Variants in TCF24 observed in about 807,000 individuals in gnomAD.
TCF24 encodes the protein transcription factor 24.
Under a neutral mutation model 9.3 loss-of-function variants are expected in TCF24, and 5 were observed. The observed-to-expected ratio is 0.54, with a 90% CI of 0.28 to 1.13. The LOEUF is 1.13. Ranked by LOEUF, TCF24 falls within the 50% of genes most tolerant of loss-of-function variation. TCF24 has a pLI of 0.09. For missense variants in TCF24, 220 were observed against 236.1 expected, an observed-to-expected ratio of 0.93 and a Z score of 0.45; for synonymous variants, 110 against 115.8, an observed-to-expected ratio of 0.95 and a Z score of 0.32.
At position 66,961,532 on chromosome 8, in the gene TCF24, G is replaced by A; in HGVS notation, c.234C>T (p.Ser78=). 6.6e-7 allele frequency: 1 copy of A among 1,510,734 alleles called. No homozygotes were observed. The allele number at this position is 1,510,734 out of a possible 1,614,324, so 93.6% of individuals were successfully genotyped here. The change falls in exon 3 of 4, where the codon TCC becomes TCT. Residue 78 remains serine, a synonymous_variant. Transcript: ENST00000563496. Reference sequence around the variant, plus strand: ...TGGACAGCTTGGTGTCGGGCGGCACGGACGGCAGCGTGCGCTGCAGCTCCA... The same window carrying A: ...TGGACAGCTTGGTGTCGGGCGGCACAGACGGCAGCGTGCGCTGCAGCTCCA... The part of the protein sequence containing the change: ...AFLELQRTLP[S]VPPDTKLSKL...
intron 3 of TCF24, among the ~76,000 whole-genome samples, chr8:66,960,599 G>A (rs1316869839): frequency 1.3e-5 from 2 of 152,094 alleles, no homozygotes; most frequent in African/African-American, 2.4e-5. Flanking sequence ...TACTGCAGTA[G>A]GTAACGAAGC....
chr8:66,950,246 C>T (rs1412344593), intron 3 of TCF24, among the ~76,000 whole-genome samples: 1 of 150,590 alleles, frequency 6.6e-6, no homozygotes, highest in Non-Finnish European at 1.5e-5. Context: ...TTAGGTCTAA[C>T]GTTTAAGTCT....
rs1813981482 is a variant in TCF24, at chr8:66,947,454, G to A, written c.*597C>T. 6.6e-6 allele frequency: 1 copy of A among 152,226 alleles called. No individual in the cohort carries two copies. Among genetic ancestry groups the A allele is most frequent in the African/African-American group, 2.4e-5 (1 of 41,442 alleles). The allele number at this position is 152,226 out of a possible 1,614,324, so 9.4% of individuals were successfully genotyped here. A position where few individuals can be genotyped will look rare whatever the true frequency, so the allele number is the denominator to read the frequency against. On this transcript the variant is annotated 3_prime_UTR_variant, in exon 4 of 4. Transcript: ENST00000563496. ...CTTCCACAAGTTGCAAACACTGTAAGATACAGAATAACCCTCTAGGAAGGT... is the reference window on the plus strand; with the variant it reads ...CTTCCACAAGTTGCAAACACTGTAAAATACAGAATAACCCTCTAGGAAGGT...
intron 3 of TCF24, among the ~76,000 whole-genome samples, chr8:66,951,659 A>G (rs1814060847): frequency 1.3e-5 from 2 of 152,238 alleles, no homozygotes; most frequent in South Asian, 4.1e-4. Context: ...GAATAGTTTC[A>G]GAAGGAATGG....
chr8:66,952,576 T>C (rs891384361), intron 3 of TCF24, among the ~76,000 whole-genome samples: 2 of 151,790 alleles, frequency 1.3e-5, no homozygotes, highest in African/African-American at 2.4e-5. Context: ...ATTCTGTTGA[T>C]TTGGGGTGGA....
In TCF24 at chr8:66,961,922, G is replaced by T; in HGVS notation, c.-69C>A. The T allele has an allele frequency of 1.8e-6, 1 of 542,368 alleles. No homozygotes were observed. The highest frequency in any genetic ancestry group is 2.4e-6 in the Non-Finnish European group (1 of 417,148). 33.6% of individuals were successfully genotyped at this position (542,368 alleles called of 1,614,324 possible). On this transcript the variant is annotated 5_prime_UTR_variant, in exon 2 of 4. Transcript: ENST00000563496. ...GGGCGCTCTCAAGCGAGCTCGTTTT[G>T]CCTGGGACGCGATTTGCTTCCGGAC...
rs769216742 is a variant in TCF24, at chr8:66,962,516, T to G, written c.-322A>C. 6.6e-6 allele frequency: 1 copy of G among 152,434 alleles called. No homozygotes were observed. The highest frequency in any genetic ancestry group is 1.5e-5 in the Non-Finnish European group (1 of 68,240). The allele number at this position is 152,434 out of a possible 1,614,324, so 9.4% of individuals were successfully genotyped here. A position where few individuals can be genotyped will look rare whatever the true frequency, so the allele number is the denominator to read the frequency against. On this transcript the variant is annotated 5_prime_UTR_variant, in exon 1 of 4. Transcript: ENST00000563496. ...CGGGCGCCCCGCGGCCAGGCGTGTG[T>G]GCTCCGACCGGCTAAGGCAGGTCGG...
intron 3 of TCF24, among the ~76,000 whole-genome samples, chr8:66,948,617 G>A (rs1388704925): frequency 6.6e-6 from 1 of 152,098 alleles, no homozygotes; most frequent in Non-Finnish European, 1.5e-5. Context: ...GGTATTATGT[G>A]TCTATAGATG....
At chr8:66,959,491 T>C (rs1453952653) in intron 3 of TCF24, among the ~76,000 whole-genome samples, 1 of 152,250 alleles carries the variant, frequency 6.6e-6, no homozygotes, top group African/African-American at 2.4e-5. Flanking sequence ...GTTTCAATTA[T>C]GTACATAACA....
intron 3 of TCF24, among the ~76,000 whole-genome samples, chr8:66,954,468 C>A (rs372425394): frequency 8.5e-5 from 12 of 140,926 alleles, no homozygotes; most frequent in Non-Finnish European, 1.6e-4. Flanking sequence ...TCTCCAGCTG[C>A]GTGCTGGGAG....
At chr8:66,948,300 A>C in intron 3 of TCF24, 136 bp from the exon 4 acceptor site, 1 of 562,864 alleles carries the variant, frequency 1.8e-6, no homozygotes, top group Non-Finnish European at 2.8e-6. Flanking sequence ...ATAAGTATGA[A>C]GTATAAGAAA....
chr8:66,961,115 A>G (rs990161362), intron 3 of TCF24, among the ~76,000 whole-genome samples: 2 of 152,218 alleles, frequency 1.3e-5, no homozygotes, highest in African/African-American at 4.8e-5. Flanking sequence ...CTTCGGAGGC[A>G]TCCTGTAAGA....
intron 3 of TCF24, among the ~76,000 whole-genome samples, chr8:66,957,067 C>T (rs181137712): frequency 8.4e-5 from 12 of 142,302 alleles, no homozygotes; most frequent in Admixed American, 3.7e-4. Flanking sequence ...AAGTCCAGAT[C>T]GCACCACTAC....
intron 3 of TCF24, among the ~76,000 whole-genome samples, chr8:66,960,910 T>C (rs58074823): frequency 0.012 from 1,838 of 152,308 alleles, 40 homozygotes; most frequent in African/African-American, 0.042. Flanking sequence ...ATTTCAACAG[T>C]GTTTTCCTAG....
intron 3 of TCF24, among the ~76,000 whole-genome samples, chr8:66,948,846 C>T (rs1219983550): frequency 2.0e-5 from 3 of 152,138 alleles, no homozygotes; most frequent in Non-Finnish European, 2.9e-5. Context: ...TAGGAGCATA[C>T]CACCAAGCCT....
intron 3 of TCF24, among the ~76,000 whole-genome samples, chr8:66,951,273 C>A (rs1476947534): frequency 6.8e-6 from 1 of 147,528 alleles, no homozygotes; most frequent in African/African-American, 2.5e-5. Context: ...CCCATCAAGA[C>A]CTAATTTATT....
At chr8:66,948,577 G>A (rs1030838424) in intron 3 of TCF24, among the ~76,000 whole-genome samples, 2 of 152,144 alleles carry the variant, frequency 1.3e-5, no homozygotes, top group Admixed American at 6.6e-5. Context: ...TGCTGCTGAA[G>A]TGAGCACTAT....
intron 3 of TCF24, among the ~76,000 whole-genome samples, chr8:66,958,296 T>G (rs1353835454): frequency 6.6e-6 from 1 of 152,214 alleles, no homozygotes. Flanking sequence ...CTTACTTAGC[T>G]CTACTTTCCC....
intron 3 of TCF24, among the ~76,000 whole-genome samples, chr8:66,948,572 CTG>C (rs1221014514): frequency 6.6e-6 from 1 of 152,118 alleles, no homozygotes; most frequent in African/African-American, 2.4e-5. Context: ...ATATGTGCTG[CTG>C]AAGTGAGCAC....
Sources: gnomAD v4.1 joint callset for allele counts (sites outside exome capture counted in the v4.1 genomes callset) on GRCh38, gnomAD v4.1.1 for gene constraint, MANE v1.5 for transcripts, NCBI Gene and HGNC (gene_info 2026-07-23, HGNC 2026-07-21) for gene names.